NOS1AP: variants seen among roughly 807,000 people sequenced by gnomAD.
NOS1AP encodes carboxyl-terminal PDZ ligand of neuronal nitric oxide synthase protein.
In NOS1AP, 21 loss-of-function variants were observed where a neutral mutation model predicts 56.2. The ratio of observed to expected loss-of-function variants is 0.37; its 90% CI spans 0.26 to 0.54. The LOEUF is 0.54. Ranked by LOEUF, NOS1AP falls within the 20% of genes least tolerant of loss-of-function variation. The pLI is 0.84. For synonymous variants in NOS1AP, 270 were observed against 274.6 expected, an observed-to-expected ratio of 0.98 and a Z score of 0.17; for missense variants, 522 against 657.8, an observed-to-expected ratio of 0.79 and a Z score of 2.26.
intron 1 of NOS1AP, among the ~76,000 whole-genome samples, chr1:162,152,567 G>A (rs951641743): frequency 1.3e-5 from 2 of 152,208 alleles, no homozygotes; most frequent in African/African-American, 2.4e-5. Context: ...ATCTGGCCAC[G>A]CTATCAGATC....
intron 1 of NOS1AP, among the ~76,000 whole-genome samples, chr1:162,125,549 G>GT (rs1383390504): frequency 6.6e-6 from 1 of 152,134 alleles, no homozygotes; most frequent in Non-Finnish European, 1.5e-5. Context: ...CCCGAGGTAT[G>GT]TTTTTGTATG....
intron 3 of NOS1AP, 147 bp from the exon 4 acceptor site, chr1:162,300,486 C>A: frequency 1.4e-6 from 1 of 728,786 alleles, no homozygotes; most frequent in Non-Finnish European, 2.5e-6. Context: ...ATATTTTGCA[C>A]TCGTCGTTTT....
At position 162,279,124 on chromosome 1, in the gene NOS1AP, A is replaced by G. The variant is rs1199671498; in HGVS notation, c.178-8220A>G. On this transcript the variant is annotated intron_variant, in intron 2 of 9. Transcript: ENST00000361897. ...TTGTTTTTAACATGCTGTGAGAGAT[A>G]TAGAGAAGAAAGCAGCTGAAAGCAG... 2.0e-5 allele frequency among the ~76,000 whole-genome samples: 3 copies of G among 152,358 alleles called. No homozygotes were observed. The South Asian group carries it at 6.2e-4, about 32-fold the overall frequency.
At chr1:162,342,168 C>T (rs1344751133) in intron 5 of NOS1AP, among the ~76,000 whole-genome samples, 1 of 152,188 alleles carries the variant, frequency 6.6e-6, no homozygotes, top group African/African-American at 2.4e-5. Flanking sequence ...TTACCCATCT[C>T]CTCCTGCTTC....
chr1:162,279,717 T>C (rs1023794792), intron 2 of NOS1AP, among the ~76,000 whole-genome samples: 10 of 152,202 alleles, frequency 6.6e-5, no homozygotes, highest in African/African-American at 1.7e-4. Flanking sequence ...TAAAATGGGG[T>C]TTGTGTGCTC....
At chr1:162,107,053 A>G (rs943102902) in intron 1 of NOS1AP, among the ~76,000 whole-genome samples, 4 of 152,218 alleles carry the variant, frequency 2.6e-5, no homozygotes, top group Non-Finnish European at 4.4e-5. Context: ...TGGTGCTTCC[A>G]TAGGGTGGAA....
intron 1 of NOS1AP, among the ~76,000 whole-genome samples, chr1:162,081,765 T>TAG (rs1384111590): frequency 0.069 from 2,523 of 36,718 alleles, 114 homozygotes; most frequent in East Asian, 0.41. Flanking sequence ...GATATATATA[T>TAG]ATATATATAT....
At position 162,321,731 on chromosome 1, in the gene NOS1AP, A is replaced by AATATATATAT. The variant is rs66879950; in HGVS notation, c.345-11274_345-11265dup. Among the ~76,000 whole-genome samples, 1,019 of 128,418 alleles carry AATATATATAT rather than the reference A, an allele frequency of 7.9e-3. 7 individuals are homozygous for AATATATATAT. The highest frequency in any genetic ancestry group is 0.013 in the Non-Finnish European group (792 of 60,038). 84.2% of individuals were successfully genotyped at this position (128,418 alleles called of 152,430 possible). On this transcript the variant is annotated intron_variant, in intron 4 of 9. Coordinates refer to ENST00000361897, the MANE Select transcript of NOS1AP (RefSeq NM_014697.3). The stretch of plus-strand genomic sequence containing the variant: ...CTTAAAGTATAATTAAAAAAAAAAA[A>AATATATATAT]ATATATATATATATATATATAAAAG...
At chr1:162,122,205 C>G (rs538704406) in intron 1 of NOS1AP, among the ~76,000 whole-genome samples, 1 of 152,284 alleles carries the variant, frequency 6.6e-6, no homozygotes, top group South Asian at 2.1e-4. Flanking sequence ...GGAAACTTGG[C>G]TTCTAATGAT....
chr1:162,097,257 T>C (rs886751307), intron 1 of NOS1AP, among the ~76,000 whole-genome samples: 1 of 152,206 alleles, frequency 6.6e-6, no homozygotes, highest in Non-Finnish European at 1.5e-5. Flanking sequence ...GCTGAGTTCT[T>C]TTGTCTTTTC....
chr1:162,230,497 G>A lies in NOS1AP; in HGVS notation c.178-56847G>A, dbSNP rs146956475. 3.1e-3 allele frequency among the ~76,000 whole-genome samples: 466 copies of A among 152,248 alleles called. 2 individuals are homozygous for A. The highest frequency in any genetic ancestry group is 4.0e-3 in the Non-Finnish European group (271 of 68,018). On this transcript the variant is annotated intron_variant, in intron 2 of 9. Coordinates refer to ENST00000361897, the MANE Select transcript of NOS1AP (RefSeq NM_014697.3). ...ACATTAAAAAGCTAAAAAGAATCTGGTGATACTAATTTTTAAATTTGGGTA... is the reference window on the plus strand; with the variant it reads ...ACATTAAAAAGCTAAAAAGAATCTGATGATACTAATTTTTAAATTTGGGTA...
chr1:162,283,681 A>G (rs899194059), intron 2 of NOS1AP, among the ~76,000 whole-genome samples: 2 of 152,122 alleles, frequency 1.3e-5, no homozygotes, highest in African/African-American at 2.4e-5. Flanking sequence ...TTCCAAAACA[A>G]GGTCCCAAGG....
intron 4 of NOS1AP, among the ~76,000 whole-genome samples, chr1:162,311,236 T>C (rs1381394197): frequency 6.6e-6 from 1 of 152,186 alleles, no homozygotes; most frequent in East Asian, 1.9e-4. Flanking sequence ...TCTGTTCTTC[T>C]GTGTTGCCCT....
At chr1:162,249,906 G>A (rs1295532836) in intron 2 of NOS1AP, among the ~76,000 whole-genome samples, 1 of 152,206 alleles carries the variant, frequency 6.6e-6, no homozygotes, top group African/African-American at 2.4e-5. Flanking sequence ...TAGATGAGTA[G>A]CAGTGAATGG....
At chr1:162,101,905 C>T (rs915081156) in intron 1 of NOS1AP, among the ~76,000 whole-genome samples, 1 of 152,176 alleles carries the variant, frequency 6.6e-6, no homozygotes, top group African/African-American at 2.4e-5. Flanking sequence ...ATTTGACTTC[C>T]TCTCTTCCTA....
chr1:162,238,455 AC>A (rs1258445317), intron 2 of NOS1AP, among the ~76,000 whole-genome samples: 2 of 152,088 alleles, frequency 1.3e-5, no homozygotes, highest in African/African-American at 4.8e-5. Flanking sequence ...TGTAAAACAT[AC>A]TACCGGCAAC....
chr1:162,101,854 G>T (rs888481611), intron 1 of NOS1AP, among the ~76,000 whole-genome samples: 16 of 152,110 alleles, frequency 1.1e-4, no homozygotes, highest in African/African-American at 3.4e-4. Context: ...AGATGATGGG[G>T]TTTTCTAGAT....
chr1:162,344,017 T>C, intron 6 of NOS1AP, 41 bp downstream of exon 6: 1 of 1,611,266 alleles, frequency 6.2e-7, no homozygotes, highest in Non-Finnish European at 8.5e-7. Context: ...GGGAAGGCAG[T>C]GCACACAGTA....
chr1:162,124,104 A>G (rs939637577), intron 1 of NOS1AP, among the ~76,000 whole-genome samples: 5 of 151,904 alleles, frequency 3.3e-5, no homozygotes, highest in Admixed American at 1.3e-4. Context: ...TAGTAGTTTC[A>G]TTTTTCTTTG....
Sources: allele counts gnomAD v4.1 joint callset (sites outside exome capture counted in the v4.1 genomes callset), GRCh38; gene constraint gnomAD v4.1.1; transcripts MANE v1.5; gene names NCBI Gene and HGNC (gene_info 2026-07-23, HGNC 2026-07-21).